The following SLC6A17 variants were observed in gnomAD, a reference collection of about 807,000 sequenced individuals.
SLC6A17 encodes solute carrier family 6 member 17, also known as sodium-dependent neutral amino acid transporter SLC6A17.
SLC6A17 carries 21 observed loss-of-function variants against 64.5 expected under a neutral mutation model. The ratio of observed to expected loss-of-function variants is 0.33; its 90% CI spans 0.23 to 0.47. SLC6A17 has a LOEUF of 0.47. SLC6A17 is among the 20% of genes least tolerant of loss of function. The probability of loss-of-function intolerance (pLI) is 1.00; values close to 1 mark genes in which losing one functional copy is unlikely to be tolerated. For missense variants in SLC6A17, 682 were observed against 963.2 expected (o/e 0.71, Z 3.86); for synonymous variants, 372 against 399.5 (o/e 0.93, Z 0.82).
intron 6 of SLC6A17, among the ~76,000 whole-genome samples, chr1:110,179,800 G>A (rs1312999126): frequency 1.2e-4 from 18 of 151,996 alleles, no homozygotes; most frequent in Admixed American, 1.0e-3. Context: ...TGATCCGCCC[G>A]CCTTGGCCTC....
In SLC6A17 at chr1:110,198,993, C is replaced by G. The variant is rs1657048264; in HGVS notation, c.*549C>G. 1 of 153,296 alleles carries G rather than the reference C, an allele frequency of 6.5e-6. No homozygotes were observed. Among genetic ancestry groups the G allele is most frequent in the Non-Finnish European group, 1.5e-5 (1 of 68,864 alleles). The allele number at this position is 153,296 out of a possible 1,614,324, so 9.5% of individuals were successfully genotyped here. A position where few individuals can be genotyped will look rare whatever the true frequency, so the allele number is the denominator to read the frequency against. On this transcript the variant is annotated 3_prime_UTR_variant, in exon 12 of 12. Coordinates refer to ENST00000331565, the MANE Select transcript of SLC6A17 (RefSeq NM_001010898.4). Reference sequence around the variant, plus strand: ...GAGGGTGGGAGCAGGTGTGCCAGGGCTCAGGGCTCAGACTTGGGAGGGCCT... The same window carrying G: ...GAGGGTGGGAGCAGGTGTGCCAGGGGTCAGGGCTCAGACTTGGGAGGGCCT...
At chr1:110,165,123 T>C (rs1249626911) in intron 1 of SLC6A17, among the ~76,000 whole-genome samples, 1 of 152,136 alleles carries the variant, frequency 6.6e-6, no homozygotes, top group Non-Finnish European at 1.5e-5. Context: ...CGTTTCTCTG[T>C]TTGCATGCCC....
In SLC6A17 at chr1:110,199,383, G is replaced by A. The variant is rs1295471003; in HGVS notation, c.*939G>A. Reference sequence around the variant, plus strand: ...AAATTAGATGGTTTGGAGCACAATGGTGAAGCACACTCCCCTCCCTCCTCA... The same window carrying A: ...AAATTAGATGGTTTGGAGCACAATGATGAAGCACACTCCCCTCCCTCCTCA... On this transcript the variant is annotated 3_prime_UTR_variant, in exon 12 of 12. Coordinates refer to ENST00000331565, the MANE Select transcript of SLC6A17 (RefSeq NM_001010898.4). 6.6e-6 allele frequency: 1 copy of A among 152,338 alleles called. No homozygotes were observed. Among genetic ancestry groups the A allele is most frequent in the African/African-American group, 2.4e-5 (1 of 41,428 alleles). The allele number at this position is 152,338 out of a possible 1,614,324, so 9.4% of individuals were successfully genotyped here. A position where few individuals can be genotyped will look rare whatever the true frequency, so the allele number is the denominator to read the frequency against.
chr1:110,188,305 T>C (rs1056149637), intron 6 of SLC6A17, among the ~76,000 whole-genome samples: 1 of 152,230 alleles, frequency 6.6e-6, no homozygotes, highest in Non-Finnish European at 1.5e-5. Context: ...CATTTCATCT[T>C]ACTTTAAAAA....
Position 110,198,673 on chromosome 1 carries a change from G to A in SLC6A17, c.*229G>A, listed in dbSNP as rs887639611. On this transcript the variant is annotated 3_prime_UTR_variant, in exon 12 of 12. Transcript: ENST00000331565. ...CCTAATTCAGGACCCCACTCATCTA[G>A]CCCTCCAAGAGCCTCCGCCAAATTG... The A allele has an allele frequency of 1.5e-6, 1 of 666,846 alleles. No individual in the cohort carries two copies. Among genetic ancestry groups the A allele is most frequent in the Non-Finnish European group, 2.3e-6 (1 of 426,754 alleles). The allele number at this position is 666,846 out of a possible 1,614,324, so 41.3% of individuals were successfully genotyped here. A position where few individuals can be genotyped will look rare whatever the true frequency, so the allele number is the denominator to read the frequency against.
At chr1:110,186,789 C>T (rs1656697044) in intron 6 of SLC6A17, among the ~76,000 whole-genome samples, 1 of 152,224 alleles carries the variant, frequency 6.6e-6, no homozygotes, top group Admixed American at 6.5e-5. Flanking sequence ...AGACGAGACA[C>T]ATAAACCTGT....
At position 110,199,562 on chromosome 1, in the gene SLC6A17, G is replaced by A. The variant is rs904217994; in HGVS notation, c.*1118G>A. 6.0e-6 allele frequency: 1 copy of A among 166,650 alleles called. No homozygotes were observed. The highest frequency in any genetic ancestry group is 1.3e-5 in the Non-Finnish European group (1 of 77,818). 10.3% of individuals were successfully genotyped at this position (166,650 alleles called of 1,614,324 possible). A position where few individuals can be genotyped will look rare whatever the true frequency, so the allele number is the denominator to read the frequency against. On this transcript the variant is annotated 3_prime_UTR_variant, in exon 12 of 12. Transcript: ENST00000331565. Reference sequence around the variant, plus strand: ...ACCACTCACTCTCCTTATTACACAAGCACAGCCGCCCAGTGTGCACATCAT... The same window carrying A: ...ACCACTCACTCTCCTTATTACACAAACACAGCCGCCCAGTGTGCACATCAT...
chr1:110,176,574 G>C (rs1656379630), intron 5 of SLC6A17, 55 bp from the exon 6 acceptor site: 1 of 1,517,162 alleles, frequency 6.6e-7, no homozygotes, highest in African/African-American at 1.4e-5. Flanking sequence ...AGGGATGGGG[G>C]GTGCCAGCTG....
intron 2 of SLC6A17, among the ~76,000 whole-genome samples, chr1:110,170,869 A>G (rs1041617476): frequency 1.4e-5 from 2 of 144,298 alleles, no homozygotes; most frequent in South Asian, 2.1e-4. Context: ...GTGTGTGTGT[A>G]TACATGTGTG....
chr1:110,154,918 G>A (rs1291656292), intron 1 of SLC6A17, among the ~76,000 whole-genome samples: 2 of 152,136 alleles, frequency 1.3e-5, no homozygotes, highest in African/African-American at 4.8e-5. Context: ...GATTCCACTT[G>A]CTTCTTCCTG....
chr1:110,173,675 A>G (rs1016497354), intron 3 of SLC6A17, among the ~76,000 whole-genome samples: 3 of 152,270 alleles, frequency 2.0e-5, no homozygotes, highest in Admixed American at 6.5e-5. Context: ...AAGTACTTCA[A>G]GTATCTTAGA....
intron 11 of SLC6A17, 108 bp from the exon 12 acceptor site, chr1:110,197,968 G>T: frequency 7.4e-6 from 11 of 1,493,624 alleles, no homozygotes; most frequent in South Asian, 5.4e-5. Context: ...GGTGGGAGGG[G>T]AGAGGAGTGG....
At chr1:110,152,008 A>C (rs1158028854) in intron 1 of SLC6A17, among the ~76,000 whole-genome samples, 1 of 152,196 alleles carries the variant, frequency 6.6e-6, no homozygotes, top group Non-Finnish European at 1.5e-5. Flanking sequence ...CTCCAAAAAA[A>C]TTCGGCCAAA....
chr1:110,163,446 C>T (rs1052482434), intron 1 of SLC6A17, among the ~76,000 whole-genome samples: 2 of 152,194 alleles, frequency 1.3e-5, no homozygotes, highest in Non-Finnish European at 2.9e-5. Flanking sequence ...CAGGCAGTGG[C>T]TGCTACCATT....
intron 1 of SLC6A17, among the ~76,000 whole-genome samples, chr1:110,164,000 G>C (rs547747534): frequency 6.6e-6 from 1 of 152,150 alleles, no homozygotes; most frequent in South Asian, 2.1e-4. Context: ...GAGATACATG[G>C]AGTCACCCCA....
intron 3 of SLC6A17, 21 bp from the exon 4 acceptor site, chr1:110,173,952 C>T: frequency 4.3e-6 from 7 of 1,611,864 alleles, no homozygotes; most frequent in Non-Finnish European, 5.9e-6. Flanking sequence ...CTCAGTGACC[C>T]CGCAGTGGGC....
Position 110,174,972 on chromosome 1 carries a change from G to T in SLC6A17, c.753+12G>T. The T allele has an allele frequency of 6.2e-7, 1 of 1,609,936 alleles. No individual in the cohort carries two copies. Among genetic ancestry groups the T allele is most frequent in the Non-Finnish European group, 8.5e-7 (1 of 1,177,188 alleles). ...AGTCCTCGGGGAAGGTGAGTGCTGA[G>T]GGGGGCACCCAGGACCCAAATGGGG... On this transcript the variant is annotated intron_variant, in intron 5 of 11. Transcript: ENST00000331565.
chr1:110,188,943 G>A (rs1656756030), intron 6 of SLC6A17, among the ~76,000 whole-genome samples: 1 of 152,120 alleles, frequency 6.6e-6, no homozygotes, highest in Non-Finnish European at 1.5e-5. Context: ...GACTCCCTCA[G>A]GGTCTTTCAC....
intron 10 of SLC6A17, 89 bp downstream of exon 10, chr1:110,195,834 G>A (rs1656949956): frequency 5.1e-6 from 8 of 1,556,848 alleles, no homozygotes; most frequent in Non-Finnish European, 5.2e-6. Context: ...AGTCACAATG[G>A]CAGAGCTGAA....
Sources: allele counts gnomAD v4.1 joint callset (sites outside exome capture counted in the v4.1 genomes callset), GRCh38; gene constraint gnomAD v4.1.1; transcripts MANE v1.5; gene names NCBI Gene and HGNC (gene_info 2026-07-23, HGNC 2026-07-21).